Variants in ZNF496 observed in about 807,000 individuals in gnomAD.
ZNF496 encodes zinc finger protein 496.
In ZNF496, 11 loss-of-function variants were observed where a neutral mutation model predicts 58.9. The ratio of observed to expected loss-of-function variants is 0.19; its 90% CI spans 0.12 to 0.31. The LOEUF (loss-of-function observed/expected upper bound fraction) is 0.31. ZNF496 is among the 10% of genes least tolerant of loss of function. ZNF496 has a pLI of 1.00. For synonymous variants in ZNF496, 338 were observed against 318.2 expected (o/e 1.06, Z -0.66); for missense variants, 660 against 783.0 (o/e 0.84, Z 1.88).
chr1:247,310,072 G>A, intron 7 of ZNF496: 1 of 1,429,362 alleles, frequency 7.0e-7, no homozygotes, highest in Non-Finnish European at 9.1e-7. Context: ...AAGAGAAATG[G>A]ACATACAGCA....
intron 9 of ZNF496, among the ~76,000 whole-genome samples, chr1:247,302,598 C>T (rs946978205): frequency 5.3e-5 from 8 of 152,114 alleles, no homozygotes; most frequent in Non-Finnish European, 1.2e-4. Flanking sequence ...GCCTCAGCCT[C>T]CCAAAGTGCT....
In ZNF496 at chr1:247,331,859, A is replaced by C. The variant is rs1367505853; in HGVS notation, c.-439T>G. ...CGCGGGAGCCCGCCGGACGCCGAGG[A>C]AAGGAAAGGCCGGAGCCCTCCGGCT... On this transcript the variant is annotated 5_prime_UTR_variant, in exon 1 of 10. Transcript: ENST00000682384. 6.7e-6 allele frequency: 1 copy of C among 148,506 alleles called. No individual in the cohort carries two copies. The highest frequency in any genetic ancestry group is 6.7e-5 in the Admixed American group (1 of 15,008). The allele number at this position is 148,506 out of a possible 1,614,324, so 9.2% of individuals were successfully genotyped here. A position where few individuals can be genotyped will look rare whatever the true frequency, so the allele number is the denominator to read the frequency against.
chr1:247,298,886 GAC>G lies in ZNF496; in HGVS notation c.*1631_*1632del, dbSNP rs1659155131. On this transcript the variant is annotated 3_prime_UTR_variant, in exon 10 of 10. Coordinates refer to ENST00000682384, the MANE Select transcript of ZNF496 (RefSeq NM_032752.3). ...CTCTCAGTCCGGAATCCCAGCAGGA[GAC>G]ACAGCTCCAGCTGGCCTGCCCAGCC... The G allele has an allele frequency of 1.3e-5, 2 of 152,198 alleles. No individual in the cohort carries two copies. Among genetic ancestry groups the G allele is most frequent in the East Asian group, 1.9e-4 (1 of 5,184 alleles). The allele number at this position is 152,198 out of a possible 1,614,324, so 9.4% of individuals were successfully genotyped here. A position where few individuals can be genotyped will look rare whatever the true frequency, so the allele number is the denominator to read the frequency against.
chr1:247,326,376 T>C (rs914703991), intron 5 of ZNF496, among the ~76,000 whole-genome samples: 2 of 152,168 alleles, frequency 1.3e-5, no homozygotes, highest in African/African-American at 2.4e-5. Flanking sequence ...TCATCATACC[T>C]ACTTTGCCTA....
At chr1:247,306,519 T>TC (rs1320607341) in intron 9 of ZNF496, among the ~76,000 whole-genome samples, 1 of 151,138 alleles carries the variant, frequency 6.6e-6, no homozygotes, top group Non-Finnish European at 1.5e-5. Flanking sequence ...TTTTTCTTTT[T>TC]TTTTTTGGAG....
At position 247,308,563 on chromosome 1, in the gene ZNF496, C is replaced by T. The variant is rs1010948902; in HGVS notation, c.918G>A (p.Gln306=). The T allele has an allele frequency of 1.9e-6, 3 of 1,614,050 alleles. No individual in the cohort carries two copies. The highest frequency in any genetic ancestry group is 1.1e-5 in the South Asian group (1 of 91,080). The part of the protein sequence containing the change: ...YLDSPSLQPF[Q]VEERRKREEL... ...CCTCACGTTTCCTTCTTTCTTCTACCTGGAATGGCTGGAGACTTGGAGAGT... is the reference window on the plus strand; with the variant it reads ...CCTCACGTTTCCTTCTTTCTTCTACTTGGAATGGCTGGAGACTTGGAGAGT... Residue 306 remains glutamine, a synonymous_variant, in exon 9 of 10, where the codon CAG becomes CAA. Transcript: ENST00000682384. This position sits in a 1 kb window ranked among gnomAD's most constrained non-coding sequence, Gnocchi z 4.5.
rs757037588 is a variant in ZNF496 at position 247,300,955 on chromosome 1, A to G, written c.1328T>C (p.Leu443Pro). 14 of 1,613,862 alleles carry G rather than the reference A, an allele frequency of 8.7e-6. No homozygotes were observed. The South Asian group carries it at 1.5e-4, about 18-fold the overall frequency. ...ATCCAGGTCCTCGCTGTCGCTGAACAGCTCCCCGCACACCGAGCACTCGTG... is the reference window on the plus strand; with the variant it reads ...ATCCAGGTCCTCGCTGTCGCTGAACGGCTCCCCGCACACCGAGCACTCGTG... ...KPHECSVCGE[L>P]FSDSEDLDGH... Residue 443 changes from leucine (L) to proline (P), a missense_variant, in exon 10 of 10, where the codon CTG (leucine) becomes CCG (proline). By Grantham distance (98) the Leu-to-Pro change is moderately conservative (BLOSUM62 -3). Coordinates refer to ENST00000682384, the MANE Select transcript of ZNF496 (RefSeq NM_032752.3). The surrounding 1 kb of genome is among the most constrained non-coding windows in gnomAD (Gnocchi z 5.7).
Position 247,308,501 on chromosome 1 carries a change from G to A in ZNF496, c.980C>T (p.Thr327Met), listed in dbSNP as rs766674455. The A allele has an allele frequency of 8.1e-6, 13 of 1,613,988 alleles. No homozygotes were observed. The East Asian group carries it at 1.1e-4, about 14-fold the overall frequency. The change falls in exon 9 of 10, where the codon ACG becomes ATG. Residue 327 changes from threonine to methionine, a missense_variant. Thr to Met is a moderately conservative substitution (Grantham distance 81, BLOSUM62 -1). Transcript: ENST00000682384. This position sits in a 1 kb window ranked among gnomAD's most constrained non-coding sequence, Gnocchi z 4.5. ...TGGGTAGGTGTTTTGAGGCACCACC[G>A]TCTGTGGGCAGGCCTGGAACTCTGG... ...QVPEFQACPQ[T>M]VVPQNTYPAG...
intron 9 of ZNF496, among the ~76,000 whole-genome samples, chr1:247,301,770 A>G (rs996989545): frequency 6.6e-6 from 1 of 152,196 alleles, no homozygotes; most frequent in Non-Finnish European, 1.5e-5. Flanking sequence ...CTTGACATGC[A>G]CATTCCTATT....
At chr1:247,305,238 G>C (rs1267983060) in intron 9 of ZNF496, among the ~76,000 whole-genome samples, 3 of 152,136 alleles carry the variant, frequency 2.0e-5, no homozygotes, top group East Asian at 1.9e-4. Flanking sequence ...TCGCGCCACT[G>C]TTCTCTAACC....
chr1:247,315,651 A>C (rs1385360435), intron 6 of ZNF496, among the ~76,000 whole-genome samples: 1 of 152,158 alleles, frequency 6.6e-6, no homozygotes, highest in Non-Finnish European at 1.5e-5. Flanking sequence ...TGGGTAAGGA[A>C]GAGAGAGGGA....
chr1:247,328,995 G>T, intron 4 of ZNF496, 129 bp from the exon 5 acceptor site: 1 of 1,387,040 alleles, frequency 7.2e-7, no homozygotes, highest in Non-Finnish European at 9.8e-7. Context: ...CTGTAAAGGG[G>T]CACGACACTA....
At position 247,310,014 on chromosome 1, in the gene ZNF496, T is replaced by G. The variant is rs1659541734; in HGVS notation, c.785-208A>C. The G allele has an allele frequency of 9.2e-6, 13 of 1,418,076 alleles. No individual in the cohort carries two copies. The East Asian group carries it at 3.3e-4, about 36-fold the overall frequency. 87.8% of individuals were successfully genotyped at this position (1,418,076 alleles called of 1,614,324 possible). A position where few individuals can be genotyped will look rare whatever the true frequency, so the allele number is the denominator to read the frequency against. On this transcript the variant is annotated intron_variant, in intron 7 of 9. Coordinates refer to ENST00000682384, the MANE Select transcript of ZNF496 (RefSeq NM_032752.3). ...ATGGGCTTGGGGGTCTCTCTGAGGC[T>G]TTCGGGTGTAAAGCAGACATAAAGG... is the stretch of plus-strand genomic sequence containing the variant.
intron 5 of ZNF496, among the ~76,000 whole-genome samples, chr1:247,324,373 G>A (rs926729220): frequency 3.3e-5 from 5 of 152,194 alleles, no homozygotes; most frequent in South Asian, 2.1e-4. Context: ...CATGAGAGGA[G>A]TAAACTCAGG....
At position 247,328,693 on chromosome 1, in the gene ZNF496, G is replaced by A. The variant is rs374650710; in HGVS notation, c.564C>T (p.Ser188=). Residue 188 remains serine (S), a synonymous_variant, in exon 5 of 10, where the codon AGC becomes AGT. Transcript: ENST00000682384. ...CCCTGGGCTGCATACCTGGGTCCCCGCTGAGCTGGCTTGGTGGTCTGCTTG... is the reference window on the plus strand; with the variant it reads ...CCCTGGGCTGCATACCTGGGTCCCCACTGAGCTGGCTTGGTGGTCTGCTTG... ...GLPSRPPSQL[S]GDPVLQDAFL... 3.8e-5 allele frequency: 61 copies of A among 1,589,436 alleles called. No homozygotes were observed. Among genetic ancestry groups the A allele is most frequent in the South Asian group, 5.7e-5 (5 of 86,988 alleles).
At chr1:247,314,458 A>AAAATTTTCATTTTAAAATTTAAT (rs1558153399) in intron 6 of ZNF496, among the ~76,000 whole-genome samples, 1 of 151,908 alleles carries the variant, frequency 6.6e-6, no homozygotes, top group African/African-American at 2.4e-5. Flanking sequence ...TAAAATTTCA[A>AAAATTTTCATTTTAAAATTTAAT]TTTAAAATGA....
chr1:247,329,711 C>G lies in ZNF496; in HGVS notation c.-37-96G>C. The G allele has an allele frequency of 1.6e-6, 2 of 1,218,388 alleles. No individual in the cohort carries two copies. Among genetic ancestry groups the G allele is most frequent in the Non-Finnish European group, 2.3e-6 (2 of 886,878 alleles). The allele number at this position is 1,218,388 out of a possible 1,614,324, so 75.5% of individuals were successfully genotyped here. A position where few individuals can be genotyped will look rare whatever the true frequency, so the allele number is the denominator to read the frequency against. On this transcript the variant is annotated intron_variant, in intron 3 of 9. Coordinates refer to ENST00000682384, the MANE Select transcript of ZNF496 (RefSeq NM_032752.3). This position sits in a 1 kb window ranked among gnomAD's most constrained non-coding sequence, Gnocchi z 5.5. ...AGGAAACTGTCAATGCCCTCAGAGA[C>G]CAGCCCTTTGGAGAAGCCCTGGGAA... is the stretch of plus-strand genomic sequence containing the variant.
At chr1:247,330,355 G>C (rs560646872) in intron 2 of ZNF496, among the ~76,000 whole-genome samples, 74 of 152,244 alleles carry the variant, frequency 4.9e-4, no homozygotes, top group African/African-American at 1.7e-3. Context: ...CTTCAACCTC[G>C]CCTCCACCCT....
At chr1:247,304,312 G>C (rs919447464) in intron 9 of ZNF496, among the ~76,000 whole-genome samples, 1 of 151,938 alleles carries the variant, frequency 6.6e-6, no homozygotes, top group Non-Finnish European at 1.5e-5. Flanking sequence ...CTGGAGAACA[G>C]AGAACTGAGC....
Sources: allele counts gnomAD v4.1 joint callset (sites outside exome capture counted in the v4.1 genomes callset), GRCh38; gene constraint gnomAD v4.1.1; non-coding constraint Gnocchi (gnomAD v3.1); transcripts MANE v1.5; gene names NCBI Gene and HGNC (gene_info 2026-07-23, HGNC 2026-07-21).